The following BRWD3 variants were observed in gnomAD, a reference collection of about 807,000 sequenced individuals.
BRWD3 encodes the protein bromodomain and WD repeat domain containing 3.
A neutral mutation model predicts 149.7 loss-of-function variants in BRWD3; 10 were observed. The ratio of observed to expected loss-of-function variants is 0.07; its 90% CI spans 0.04 to 0.11. The LOEUF (loss-of-function observed/expected upper bound fraction) is 0.11, where lower values mean the gene tolerates loss of function less well. Ranked by LOEUF, BRWD3 falls within the 10% of genes least tolerant of loss-of-function variation. BRWD3 has a pLI of 1.00. For missense variants in BRWD3, 940 were observed against 1,373.2 expected (o/e 0.68, Z 4.99); for synonymous variants, 504 against 456.7 (o/e 1.10, Z -1.32).
intron 10 of BRWD3, 142 bp downstream of exon 10, chrX:80,734,985 T>A: frequency 2.0e-6 from 1 of 507,016 alleles, no homozygotes; most frequent in Non-Finnish European, 3.4e-6. Context: ...TCCAAAAGAG[T>A]TTATCTATCA....
chrX:80,723,551 T>A (rs2073180120), intron 16 of BRWD3, among the ~76,000 whole-genome samples, 197 bp downstream of exon 16: 1 of 110,039 alleles, frequency 9.1e-6, no homozygotes, highest in Admixed American at 9.7e-5. Context: ...AACTTATCTC[T>A]ATTGTGATCT....
chrX:80,711,033 AGAATTTGCCCATTCATAATTTAC>A (rs1321061688), intron 20 of BRWD3, among the ~76,000 whole-genome samples: 3 of 111,728 alleles, frequency 2.7e-5, no homozygotes, highest in Non-Finnish European at 5.6e-5. Flanking sequence ...CTGGGTTGCA[AGAATTTGCCCATTCATAATTTAC>A]GTATGCCACA....
chrX:80,758,140 G>A lies in BRWD3; in HGVS notation c.431-12411C>T, dbSNP rs374423759. On this transcript the variant is annotated intron_variant, in intron 6 of 40. Coordinates refer to ENST00000373275, the MANE Select transcript of BRWD3 (RefSeq NM_153252.5). ...CTTGAACCTGGGAGGCGGAGGTTGT[G>A]GTGAGCCAAGATCGCGCCATTGCAC... 1.3e-3 allele frequency among the ~76,000 whole-genome samples: 140 copies of A among 110,892 alleles called. 4 individuals carry two copies. In the South Asian group the frequency reaches 0.046, roughly 37 times the overall value.
rs368951042 is a variant in BRWD3, at chrX:80,693,068, T to C, written c.3152-17A>G. On this transcript the variant is annotated splice_polypyrimidine_tract_variant and intron_variant, in intron 27 of 40. Coordinates refer to ENST00000373275, the MANE Select transcript of BRWD3 (RefSeq NM_153252.5). ...ATCTATCACCTATAATGTTTTAAAA[T>C]TCTTAAAAGGATGCTCTTGAGAATA... 72 of 1,131,524 alleles carry C rather than the reference T, an allele frequency of 6.4e-5. No homozygotes were observed. The highest frequency in any genetic ancestry group is 8.1e-5 in the Non-Finnish European group (67 of 823,278). 93.3% of individuals were successfully genotyped at this position (1,131,524 alleles called of 1,213,427 possible).
chrX:80,686,884 T>C lies in BRWD3; in HGVS notation c.3984A>G (p.Pro1328=), dbSNP rs2072534199. The stretch of plus-strand genomic sequence containing the variant: ...TTACTGGGTAAGAAAGAAGATCAGC[T>C]GGCTGTCGAAATGGCTCCGAGTCTT... The part of the protein sequence containing the change: ...EREDSEPFRQ[P]ADLLSYPGHQ... Residue 1328 remains proline, a synonymous_variant, in exon 35 of 41, where the codon CCA becomes CCG. Coordinates refer to ENST00000373275, the MANE Select transcript of BRWD3 (RefSeq NM_153252.5). 6.6e-6 allele frequency: 8 copies of C among 1,210,017 alleles called. No homozygotes were observed. Among genetic ancestry groups the C allele is most frequent in the Non-Finnish European group, 8.9e-6 (8 of 894,357 alleles).
At chrX:80,760,897 A>G (rs2073795568) in intron 6 of BRWD3, among the ~76,000 whole-genome samples, 1 of 111,706 alleles carries the variant, frequency 9.0e-6, no homozygotes, top group Non-Finnish European at 1.9e-5. Flanking sequence ...TTAAAAGCTT[A>G]GTACCAGAGT....
chrX:80,770,229 G>C (rs772553110), intron 6 of BRWD3, among the ~76,000 whole-genome samples: 1 of 111,513 alleles, frequency 9.0e-6, no homozygotes, highest in South Asian at 3.7e-4. Flanking sequence ...GAAAAAGAGG[G>C]AAACCTCCCC....
chrX:80,780,378 T>C (rs2074044482), intron 6 of BRWD3, among the ~76,000 whole-genome samples: 1 of 111,521 alleles, frequency 9.0e-6, no homozygotes, highest in African/African-American at 3.3e-5. Context: ...AGCCCTCATA[T>C]AATAAAATCT....
chrX:80,808,461 G>T, intron 4 of BRWD3, 78 bp downstream of exon 4: 2 of 805,946 alleles, frequency 2.5e-6, no homozygotes, highest in Non-Finnish European at 3.7e-6. Flanking sequence ...GCTGAGAGGT[G>T]GGGGGCGGGT....
At chrX:80,711,765 T>C (rs1226406345) in intron 20 of BRWD3, among the ~76,000 whole-genome samples, 3 of 112,114 alleles carry the variant, frequency 2.7e-5, no homozygotes, top group Non-Finnish European at 5.6e-5. Context: ...TAGAAAATTT[T>C]TGAATCCACC....
At chrX:80,792,945 C>G (rs748438526) in intron 5 of BRWD3, among the ~76,000 whole-genome samples, 1 of 109,077 alleles carries the variant, frequency 9.2e-6, no homozygotes, top group South Asian at 3.9e-4. Context: ...AGGCGGATCA[C>G]GAGGTCAAGA....
chrX:80,800,933 G>A (rs1375507174), intron 4 of BRWD3, among the ~76,000 whole-genome samples: 2 of 110,300 alleles, frequency 1.8e-5, no homozygotes, highest in Non-Finnish European at 3.8e-5. Flanking sequence ...CTAGGGTCAA[G>A]TATTCTCTGG....
rs935895595 is a variant in BRWD3, at chrX:80,671,939, T to G, written c.*4670A>C. Reference sequence around the variant, plus strand: ...TTAACATTTGTAGTACTGCCTAATGTGTATCTGGTGACATATGCAAAAACA... The same window carrying G: ...TTAACATTTGTAGTACTGCCTAATGGGTATCTGGTGACATATGCAAAAACA... On this transcript the variant is annotated 3_prime_UTR_variant, in exon 41 of 41. Coordinates refer to ENST00000373275, the MANE Select transcript of BRWD3 (RefSeq NM_153252.5). 5 of 112,210 alleles carry G rather than the reference T, an allele frequency of 4.5e-5. 1 individual carries two copies. Among genetic ancestry groups the G allele is most frequent in the Admixed American group, 3.8e-4 (4 of 10,594 alleles). 9.2% of individuals were successfully genotyped at this position (112,210 alleles called of 1,213,427 possible).
rs1425979497 is a variant in BRWD3, at chrX:80,791,835, A to G, written c.430+19T>C. The G allele has an allele frequency of 9.0e-7, 1 of 1,107,554 alleles. No homozygotes were observed. Among genetic ancestry groups the G allele is most frequent in the Admixed American group, 2.2e-5 (1 of 45,695 alleles). 91.3% of individuals were successfully genotyped at this position (1,107,554 alleles called of 1,213,427 possible). A position where few individuals can be genotyped will look rare whatever the true frequency, so the allele number is the denominator to read the frequency against. On this transcript the variant is annotated intron_variant, in intron 6 of 40. Transcript: ENST00000373275. Reference sequence around the variant, plus strand: ...AAAGAATCAACAATCTGTTTATAACACACAGGTATATTACTCACCCACATT... The same window carrying G: ...AAAGAATCAACAATCTGTTTATAACGCACAGGTATATTACTCACCCACATT...
At chrX:80,720,316 A>C (rs1276789356) in intron 17 of BRWD3, among the ~76,000 whole-genome samples, 1 of 111,662 alleles carries the variant, frequency 9.0e-6, no homozygotes, top group African/African-American at 3.3e-5. Context: ...AAGACCTTCC[A>C]GTGGGACAAG....
chrX:80,713,532 T>C (rs889382813), intron 20 of BRWD3, among the ~76,000 whole-genome samples: 2 of 109,149 alleles, frequency 1.8e-5, no homozygotes, highest in African/African-American at 3.4e-5. Flanking sequence ...TAATCTCAAG[T>C]ACCCAGGGAC....
intron 3 of BRWD3, among the ~76,000 whole-genome samples, 166 bp downstream of exon 3, chrX:80,808,847 C>T (rs1297792865): frequency 9.3e-6 from 1 of 107,709 alleles, no homozygotes; most frequent in Non-Finnish European, 1.9e-5. Context: ...AAGACCCCAG[C>T]GTTGTCTGCC....
chrX:80,730,425 G>GAAAGAAAGA (rs1555972917), intron 12 of BRWD3, among the ~76,000 whole-genome samples: 2 of 108,607 alleles, frequency 1.8e-5, no homozygotes, highest in African/African-American at 6.7e-5. Flanking sequence ...AAGAAAGAAA[G>GAAAGAAAGA]AAAGAAAGAA....
chrX:80,784,387 A>C (rs1239475233), intron 6 of BRWD3, among the ~76,000 whole-genome samples: 1 of 111,795 alleles, frequency 8.9e-6, no homozygotes, highest in Non-Finnish European at 1.9e-5. Flanking sequence ...CATTAAACAC[A>C]CTTTTTTTTA....
Sources: gnomAD v4.1 joint callset for allele counts (sites outside exome capture counted in the v4.1 genomes callset) on GRCh38, gnomAD v4.1.1 for gene constraint, MANE v1.5 for transcripts, NCBI Gene and HGNC (gene_info 2026-07-23, HGNC 2026-07-21) for gene names.